The following FBLN1 variants were observed in gnomAD, a reference collection of about 807,000 sequenced individuals.
The protein encoded by FBLN1 is fibulin-1.
In FBLN1, 34 loss-of-function variants were observed where a neutral mutation model predicts 89.7. The ratio of observed to expected loss-of-function variants is 0.38; its 90% CI spans 0.29 to 0.50. The LOEUF (loss-of-function observed/expected upper bound fraction) is 0.50, where lower values mean the gene tolerates loss of function less well. Among genes scored for constraint, FBLN1 ranks in the 20% least tolerant of loss-of-function variants. FBLN1 has a pLI of 0.92. For missense variants in FBLN1, 777 were observed against 988.1 expected (o/e 0.79, Z 2.86); for synonymous variants, 393 against 391.3 (o/e 1.00, Z -0.05).
rs1334789538 is a variant in FBLN1, at chr22:45,597,200, G to T, written c.1973-3107G>T. 4.6e-5 allele frequency among the ~76,000 whole-genome samples: 7 copies of T among 152,050 alleles called. No homozygotes were observed. Among genetic ancestry groups the T allele is most frequent in the African/African-American group, 1.7e-4 (7 of 41,380 alleles). ...GTATTTTTTGTAGAGACAGGGTTTT[G>T]CCACGTTGCCCACGCTGGTCTCGAA... On this transcript the variant is annotated intron_variant, in intron 16 of 16. Coordinates refer to ENST00000327858, the MANE Select transcript of FBLN1 (RefSeq NM_006486.3). The surrounding 1 kb of genome is among the most constrained non-coding windows in gnomAD (Gnocchi z 4.2).
At chr22:45,569,455 A>G (rs558226821) in intron 14 of FBLN1, among the ~76,000 whole-genome samples, 4 of 152,274 alleles carry the variant, frequency 2.6e-5, no homozygotes, top group African/African-American at 9.6e-5. Flanking sequence ...CCTGGTCCAC[A>G]TGGTGAAACC....
chr22:45,503,959 C>T (rs896771762), intron 1 of FBLN1, among the ~76,000 whole-genome samples: 1 of 152,128 alleles, frequency 6.6e-6, no homozygotes, highest in Non-Finnish European at 1.5e-5. Flanking sequence ...AGCTGCTGGG[C>T]GGCAGAGCTA....
chr22:45,573,036 G>A (rs113852395), intron 14 of FBLN1, among the ~76,000 whole-genome samples: 179 of 152,222 alleles, frequency 1.2e-3, no homozygotes, highest in African/African-American at 4.0e-3. Context: ...AGACCAGCCC[G>A]ACCAACATGG....
chr22:45,555,290 TAA>T (rs58144099), intron 14 of FBLN1, among the ~76,000 whole-genome samples: 1 of 143,992 alleles, frequency 6.9e-6, no homozygotes, highest in African/African-American at 2.5e-5. Flanking sequence ...TATATATATA[TAA>T]AATGGAATAT....
At chr22:45,520,448 G>T (rs1191674465) in intron 2 of FBLN1, among the ~76,000 whole-genome samples, 1 of 149,496 alleles carries the variant, frequency 6.7e-6, no homozygotes, top group Non-Finnish European at 1.5e-5. Flanking sequence ...CCTGCTCACC[G>T]CTTCCTCGAA....
Position 45,588,732 on chromosome 22 carries a change from C to T in FBLN1, c.1973-11575C>T, listed in dbSNP as rs2157409. Among the ~76,000 whole-genome samples, 102 of 151,560 alleles carry T rather than the reference C, an allele frequency of 6.7e-4. No individual in the cohort carries two copies. The highest frequency in any genetic ancestry group is 2.3e-3 in the African/African-American group (93 of 41,140). ...CCTTCTGAAAAGCCTTTAATATCACCGGGCACATTCATAAATTATTCTTTT... is the reference window on the plus strand; with the variant it reads ...CCTTCTGAAAAGCCTTTAATATCACTGGGCACATTCATAAATTATTCTTTT... On this transcript the variant is annotated intron_variant, in intron 16 of 16. Coordinates refer to ENST00000327858, the MANE Select transcript of FBLN1 (RefSeq NM_006486.3). The surrounding 1 kb of genome is among the most constrained non-coding windows in gnomAD (Gnocchi z 5.1).
chr22:45,563,752 G>C lies in FBLN1; in HGVS notation c.1698-10759G>C, dbSNP rs1474567151. Among the ~76,000 whole-genome samples the C allele has an allele frequency of 1.3e-5, 2 of 152,170 alleles. No individual in the cohort carries two copies. The highest frequency in any genetic ancestry group is 2.9e-5 in the Non-Finnish European group (2 of 68,030). ...TGTGGCCATGCCAGGTCAAGGAAGCGGGTCTGCTGGCCCCTGCCTGGTTCT... is the reference window on the plus strand; with the variant it reads ...TGTGGCCATGCCAGGTCAAGGAAGCCGGTCTGCTGGCCCCTGCCTGGTTCT... On this transcript the variant is annotated intron_variant, in intron 14 of 16. Coordinates refer to ENST00000327858, the MANE Select transcript of FBLN1 (RefSeq NM_006486.3). The surrounding 1 kb of genome is among the most constrained non-coding windows in gnomAD (Gnocchi z 5.7).
intron 16 of FBLN1, among the ~76,000 whole-genome samples, chr22:45,599,511 C>T (rs2089213202): frequency 1.3e-5 from 2 of 152,076 alleles, no homozygotes; most frequent in Admixed American, 6.5e-5. Context: ...AGAGGATACG[C>T]CTGCTTCATT....
chr22:45,583,025 C>T lies in FBLN1; in HGVS notation c.1972+5917C>T, dbSNP rs4823227. ...TGGTGCCTCCCTGTACGTCCACCCACCCTGTGCCCAGATCCCCTTCGCAAG... is the reference window on the plus strand; with the variant it reads ...TGGTGCCTCCCTGTACGTCCACCCATCCTGTGCCCAGATCCCCTTCGCAAG... On this transcript the variant is annotated intron_variant, in intron 16 of 16. Coordinates refer to ENST00000327858, the MANE Select transcript of FBLN1 (RefSeq NM_006486.3). This position sits in a 1 kb window ranked among gnomAD's most constrained non-coding sequence, Gnocchi z 4.5. Among the ~76,000 whole-genome samples, 54,389 of 152,024 alleles carry T rather than the reference C, an allele frequency of 0.36. 11,615 individuals are homozygous for T. The highest frequency in any genetic ancestry group is 0.52 in the Admixed American group (7,942 of 15,288).
In FBLN1 at chr22:45,575,077, T is replaced by C. The variant is rs2071868; in HGVS notation, c.1840+424T>C. Among the ~76,000 whole-genome samples the C allele has an allele frequency of 0.3, 45,952 of 152,122 alleles. 9,675 individuals carry two copies. The highest frequency in any genetic ancestry group is 0.61 in the African/African-American group (25,146 of 41,462). The stretch of plus-strand genomic sequence containing the variant: ...GATTACAGGCGTGAGCCACCGCGCC[T>C]GGCAACTTGACATGCAGAACTTTCT... On this transcript the variant is annotated intron_variant, in intron 15 of 16. Coordinates refer to ENST00000327858, the MANE Select transcript of FBLN1 (RefSeq NM_006486.3). This position sits in a 1 kb window ranked among gnomAD's most constrained non-coding sequence, Gnocchi z 6.3.
chr22:45,525,471 C>G, intron 2 of FBLN1, 72 bp from the exon 3 acceptor site: 1 of 1,413,812 alleles, frequency 7.1e-7, no homozygotes, highest in Non-Finnish European at 9.8e-7. Flanking sequence ...GAGAGCACCC[C>G]CACCCCCGAG....
At position 45,549,223 on chromosome 22, in the gene FBLN1, T is replaced by C. The variant is rs1276174883; in HGVS notation, c.1573+479T>C. ...ATTCAGCCCCCTTTTCTACGAATGC[T>C]CTAGGGGGCAGTGTGTGTCCCCCAG... On this transcript the variant is annotated intron_variant, in intron 13 of 16. Transcript: ENST00000327858. This position sits in a 1 kb window ranked among gnomAD's most constrained non-coding sequence, Gnocchi z 5.7. Among the ~76,000 whole-genome samples the C allele has an allele frequency of 6.6e-6, 1 of 152,190 alleles. No individual in the cohort carries two copies. Among genetic ancestry groups the C allele is most frequent in the Admixed American group, 6.5e-5 (1 of 15,288 alleles).
chr22:45,528,113 TGTGATC>T, intron 4 of FBLN1, 104 bp downstream of exon 4: 1 of 1,295,342 alleles, frequency 7.7e-7, no homozygotes, highest in Non-Finnish European at 1.0e-6. Flanking sequence ...ACTTGGCTCA[TGTGATC>T]GTGGGGCTGG....
intron 14 of FBLN1, chr22:45,564,738 G>C (rs1008727675): frequency 1.3e-5 from 12 of 930,844 alleles, no homozygotes; most frequent in Non-Finnish European, 1.8e-5. Context: ...ATCTCATTCA[G>C]TGCGGTGTTC....
chr22:45,590,230 C>T lies in FBLN1; in HGVS notation c.1973-10077C>T, dbSNP rs1034301731. Among the ~76,000 whole-genome samples, 3 of 152,236 alleles carry T rather than the reference C, an allele frequency of 2.0e-5. No homozygotes were observed. Among genetic ancestry groups the T allele is most frequent in the African/African-American group, 7.2e-5 (3 of 41,458 alleles). On this transcript the variant is annotated intron_variant, in intron 16 of 16. Transcript: ENST00000327858. The surrounding 1 kb of genome is among the most constrained non-coding windows in gnomAD (Gnocchi z 4.1). ...GCCCGCCAGGCCAGCCTCTCTTCCC[C>T]CCCATCCCTCCAGACCTTCATTGCA... is the stretch of plus-strand genomic sequence containing the variant.
chr22:45,551,131 G>A (rs147011032), intron 14 of FBLN1: 817 of 238,096 alleles, frequency 3.4e-3, no homozygotes, highest in Non-Finnish European at 5.7e-3. Flanking sequence ...GATCCTAAAC[G>A]TGGGGCTGCG....
chr22:45,542,506 G>A (rs1238107048), intron 10 of FBLN1, among the ~76,000 whole-genome samples: 4 of 152,222 alleles, frequency 2.6e-5, no homozygotes, highest in Non-Finnish European at 5.9e-5. Flanking sequence ...GTGTGAGCCT[G>A]CTCCCCATCT....
Position 45,543,426 on chromosome 22 carries a change from C to G in FBLN1, c.1221C>G (p.Pro407=). ...ATGTCAACGAGTGCCAGCGCTACCC[C>G]GGGCGCCTGTGTGGCCACAAGTGCG... is the stretch of plus-strand genomic sequence containing the variant. The part of the protein sequence containing the change: ...CVDVNECQRY[P]GRLCGHKCEN... The change falls in exon 11 of 17, where the codon CCC becomes CCG. Residue 407 remains proline, a synonymous_variant. Transcript: ENST00000327858. The G allele has an allele frequency of 6.2e-7, 1 of 1,613,522 alleles. No individual in the cohort carries two copies. Among genetic ancestry groups the G allele is most frequent in the Non-Finnish European group, 8.5e-7 (1 of 1,180,010 alleles).
rs1240363232 is a variant in FBLN1, at chr22:45,601,082, A to T, written c.*636A>T. 2 of 157,790 alleles carry T rather than the reference A, an allele frequency of 1.3e-5. No homozygotes were observed. The highest frequency in any genetic ancestry group is 4.8e-5 in the African/African-American group (2 of 41,440). The allele number at this position is 157,790 out of a possible 1,614,324, so 9.8% of individuals were successfully genotyped here. On this transcript the variant is annotated 3_prime_UTR_variant, in exon 17 of 17. Transcript: ENST00000327858. The stretch of plus-strand genomic sequence containing the variant: ...TGGCTGGGATTTCTCGGCACTCTGC[A>T]TCATCCATCTTTTCTTATAGGTGGG...
Sources: gnomAD v4.1 joint callset for allele counts (sites outside exome capture counted in the v4.1 genomes callset) on GRCh38, gnomAD v4.1.1 for gene constraint, Gnocchi (gnomAD v3.1) non-coding constraint, MANE v1.5 for transcripts, NCBI Gene and HGNC (gene_info 2026-07-23, HGNC 2026-07-21) for gene names.